Variants in CYB5B observed in about 807,000 individuals in gnomAD.
CYB5B encodes cytochrome b5 type B (outer mitochondrial membrane).
Under a neutral mutation model 21.3 loss-of-function variants are expected in CYB5B, and 14 were observed. The observed-to-expected ratio is 0.66, with a 90% confidence interval of 0.43 to 1.03. The LOEUF (loss-of-function observed/expected upper bound fraction) is 1.03. CYB5B is among the 50% of genes least tolerant of loss of function. CYB5B has a pLI of 0.00. For missense variants in CYB5B, 166 were observed against 185.1 expected (o/e 0.90, Z 0.60); for synonymous variants, 69 against 68.4 (o/e 1.01, Z -0.04).
intron 1 of CYB5B, among the ~76,000 whole-genome samples, chr16:69,429,435 A>G (rs997303657): frequency 6.6e-6 from 1 of 152,106 alleles, no homozygotes; most frequent in Non-Finnish European, 1.5e-5. Context: ...ACAATCCTTT[A>G]GCTAGACACA....
intron 1 of CYB5B, among the ~76,000 whole-genome samples, chr16:69,427,226 A>G (rs897244262): frequency 6.6e-6 from 1 of 151,132 alleles, no homozygotes; most frequent in Non-Finnish European, 1.5e-5. Flanking sequence ...ACAGAGTGAG[A>G]CTCCATCTCA....
chr16:69,457,767 A>G (rs1034877200), intron 3 of CYB5B, among the ~76,000 whole-genome samples: 13 of 152,086 alleles, frequency 8.5e-5, no homozygotes, highest in African/African-American at 2.7e-4. Context: ...TTCGTTTGCC[A>G]TTTTTCTTGC....
chr16:69,428,082 C>G (rs8063454), intron 1 of CYB5B, among the ~76,000 whole-genome samples: 26,249 of 151,818 alleles, frequency 0.17, 2,389 homozygotes, highest in Middle Eastern at 0.25. Flanking sequence ...GCCTGGGCCT[C>G]CCAAAGTGCT....
intron 3 of CYB5B, chr16:69,449,588 A>G (rs2014912545): frequency 6.6e-6 from 1 of 152,222 alleles, no homozygotes; most frequent in Admixed American, 6.5e-5. Context: ...TTGGTAGTAC[A>G]GTTAGGACCA....
intron 1 of CYB5B, among the ~76,000 whole-genome samples, chr16:69,442,968 T>G (rs1465338680): frequency 2.0e-5 from 3 of 152,208 alleles, no homozygotes; most frequent in Non-Finnish European, 4.4e-5. Flanking sequence ...ATTTTTTTTG[T>G]GACAGAGCTT....
intron 1 of CYB5B, among the ~76,000 whole-genome samples, chr16:69,431,338 AC>A (rs1356781072): frequency 6.6e-6 from 1 of 152,146 alleles, no homozygotes; most frequent in Non-Finnish European, 1.5e-5. Context: ...TACTTTAGGA[AC>A]CATCTCATAA....
rs2142804199 is a variant in CYB5B, at chr16:69,424,619, G to A, written c.-65G>A. On this transcript the variant is annotated 5_prime_UTR_variant, in exon 1 of 5. Transcript: ENST00000307892. ...ATGGGCCCTGGTTACGGAAGCCGAG[G>A]AAGGCTGAGCGCGGGCTCTCAAGGA... 6.7e-7 allele frequency: 1 copy of A among 1,484,074 alleles called. No individual in the cohort carries two copies. Among genetic ancestry groups the A allele is most frequent in the Non-Finnish European group, 9.0e-7 (1 of 1,113,960 alleles). The allele number at this position is 1,484,074 out of a possible 1,614,324, so 91.9% of individuals were successfully genotyped here. A position where few individuals can be genotyped will look rare whatever the true frequency, so the allele number is the denominator to read the frequency against.
At chr16:69,443,732 G>C (rs1453804250) in intron 1 of CYB5B, among the ~76,000 whole-genome samples, 3 of 152,202 alleles carry the variant, frequency 2.0e-5, no homozygotes, top group Admixed American at 2.0e-4. Context: ...GCAGGCACCT[G>C]TAGTCCCAGC....
chr16:69,450,109 A>G (rs1313956695), intron 3 of CYB5B: 2 of 151,520 alleles, frequency 1.3e-5, no homozygotes, highest in African/African-American at 4.9e-5. Flanking sequence ...AGTCCCAACT[A>G]CTGGGGAGGC....
intron 3 of CYB5B, among the ~76,000 whole-genome samples, 169 bp from the exon 4 acceptor site, chr16:69,458,924 C>A (rs746399517): frequency 8.6e-5 from 13 of 151,986 alleles, no homozygotes; most frequent in Non-Finnish European, 1.5e-4. Context: ...AATAAAATTC[C>A]CAGTCTATCC....
intron 3 of CYB5B, chr16:69,450,057 T>C (rs1376674531): frequency 4.6e-5 from 7 of 151,838 alleles, no homozygotes; most frequent in Non-Finnish European, 1.0e-4. Context: ...CTCTATTTTT[T>C]AAAAATCATA....
At chr16:69,444,271 A>T (rs1461181335) in intron 1 of CYB5B, 3 of 152,564 alleles carry the variant, frequency 2.0e-5, no homozygotes, top group Non-Finnish European at 4.4e-5. Context: ...CTGACGCTGG[A>T]GTTGGACAGT....
chr16:69,452,814 C>G (rs1019495226), intron 3 of CYB5B, among the ~76,000 whole-genome samples: 3 of 152,106 alleles, frequency 2.0e-5, no homozygotes, highest in Non-Finnish European at 4.4e-5. Flanking sequence ...TCTTGGCCAA[C>G]ATGGTAAAAC....
Position 69,465,572 on chromosome 16 carries a change from T to A in CYB5B, c.*3052T>A, listed in dbSNP as rs1403039326. 1 of 152,242 alleles carries A rather than the reference T, an allele frequency of 6.6e-6. No individual in the cohort carries two copies. Among genetic ancestry groups the A allele is most frequent in the Non-Finnish European group, 1.5e-5 (1 of 68,052 alleles). The allele number at this position is 152,242 out of a possible 1,614,324, so 9.4% of individuals were successfully genotyped here. ...TAGCAGTTGTCATAAATGCATATGT[T>A]GTGAAATCAGAACACTGTCGAGTTT... On this transcript the variant is annotated 3_prime_UTR_variant, in exon 5 of 5. Coordinates refer to ENST00000307892, the MANE Select transcript of CYB5B (RefSeq NM_030579.3).
chr16:69,434,546 G>T (rs977018233), intron 1 of CYB5B, among the ~76,000 whole-genome samples: 2 of 152,142 alleles, frequency 1.3e-5, no homozygotes, highest in Non-Finnish European at 2.9e-5. Flanking sequence ...GTATTTGTCA[G>T]TTATTTTACT....
intron 1 of CYB5B, among the ~76,000 whole-genome samples, chr16:69,433,075 G>A (rs1004698425): frequency 1.3e-5 from 2 of 152,210 alleles, no homozygotes; most frequent in Admixed American, 6.5e-5. Context: ...TGGGATTACA[G>A]GCCTGAGCCA....
intron 1 of CYB5B, among the ~76,000 whole-genome samples, chr16:69,425,105 G>C (rs1297835505): frequency 6.6e-6 from 1 of 152,198 alleles, no homozygotes; most frequent in Admixed American, 6.5e-5. Context: ...AGCATTTGCT[G>C]TGTGCTCAGC....
chr16:69,447,298 G>T lies in CYB5B; in HGVS notation c.303+20G>T. ...CATCCGGTAAGAACTATCAGAGATGGGAGCCCTTATGCAGAGAAAACTACT... is the reference window on the plus strand; with the variant it reads ...CATCCGGTAAGAACTATCAGAGATGTGAGCCCTTATGCAGAGAAAACTACT... On this transcript the variant is annotated intron_variant, in intron 2 of 4. Transcript: ENST00000307892. 1 of 1,610,836 alleles carries T rather than the reference G, an allele frequency of 6.2e-7. No homozygotes were observed. The highest frequency in any genetic ancestry group is 8.5e-7 in the Non-Finnish European group (1 of 1,178,950).
intron 1 of CYB5B, among the ~76,000 whole-genome samples, chr16:69,441,420 C>T (rs1412901695): frequency 6.6e-6 from 1 of 152,238 alleles, no homozygotes; most frequent in Non-Finnish European, 1.5e-5. Flanking sequence ...TCCCAAAGTG[C>T]TGGGATTATA....
Sources: gnomAD v4.1 joint callset for allele counts (sites outside exome capture counted in the v4.1 genomes callset) on GRCh38, gnomAD v4.1.1 for gene constraint, MANE v1.5 for transcripts, NCBI Gene and HGNC (gene_info 2026-07-23, HGNC 2026-07-21) for gene names.